The following LAMA3 variants were observed in gnomAD, a reference collection of about 807,000 sequenced individuals.
LAMA3 encodes laminin subunit alpha 3, also known as laminin subunit alpha-3.
In LAMA3, 281 loss-of-function variants were observed where a neutral mutation model predicts 402.0. That is an observed-to-expected ratio of 0.70 (90% CI 0.63 to 0.77). LAMA3 has a LOEUF of 0.77. LAMA3 is among the 30% of genes least tolerant of loss of function. The probability of loss-of-function intolerance (pLI) is 0.00; values close to 1 mark genes in which losing one functional copy is unlikely to be tolerated. For synonymous variants in LAMA3, 1,431 were observed against 1,558.4 expected (o/e 0.92, Z 1.93); for missense variants, 3,840 against 4,215.5 (o/e 0.91, Z 2.47).
chr18:23,846,875 G>C (rs1400230930), intron 31 of LAMA3, among the ~76,000 whole-genome samples: 2 of 152,030 alleles, frequency 1.3e-5, no homozygotes, highest in Admixed American at 6.6e-5. Context: ...CCATTTTTTT[G>C]GCCCAACCCA....
rs565570613 is a variant in LAMA3 at position 23,871,354 on chromosome 18, C to G, written c.4768-77C>G. ...TTAAGTGTCTTGTTTTTGATTCATTCGGGGTGTCTGCCTCTAAGGAACCCC... is the reference window on the plus strand; with the variant it reads ...TTAAGTGTCTTGTTTTTGATTCATTGGGGGTGTCTGCCTCTAAGGAACCCC... On this transcript the variant is annotated intron_variant, in intron 37 of 74. Coordinates refer to ENST00000313654, the MANE Select transcript of LAMA3 (RefSeq NM_198129.4). The G allele has an allele frequency of 3.0e-5, 34 of 1,115,170 alleles. No homozygotes were observed. In the African/African-American group the frequency reaches 3.8e-4, roughly 12 times the overall value. 69.1% of individuals were successfully genotyped at this position (1,115,170 alleles called of 1,614,324 possible). A position where few individuals can be genotyped will look rare whatever the true frequency, so the allele number is the denominator to read the frequency against.
At chr18:23,881,874 A>T in intron 39 of LAMA3, 62 bp from the exon 40 acceptor site, 2 of 1,065,492 alleles carry the variant, frequency 1.9e-6, no homozygotes, top group Non-Finnish European at 2.9e-6. Context: ...GTAAGATTAC[A>T]ATAATCTCAG....
At chr18:23,717,598 G>A (rs191098657) in intron 2 of LAMA3, among the ~76,000 whole-genome samples, 75 of 116,198 alleles carry the variant, frequency 6.5e-4, no homozygotes, top group Non-Finnish European at 6.6e-4. Flanking sequence ...TGTCACCCAA[G>A]CTGGAGTGCA....
rs533599045 is a variant in LAMA3 at position 23,869,025 on chromosome 18, CAAA to C, written c.4767+1113_4767+1115del. Among the ~76,000 whole-genome samples, 243 of 151,936 alleles carry C rather than the reference CAAA, an allele frequency of 1.6e-3. 2 individuals are homozygous for C. Among genetic ancestry groups the C allele is most frequent in the Middle Eastern group, 0.01 (3 of 294 alleles). ...AAATATTGATACTTGCTATAAGACA[CAAA>C]AAAAGTATCATATTGTATGATTCTA... On this transcript the variant is annotated intron_variant, in intron 37 of 74. Coordinates refer to ENST00000313654, the MANE Select transcript of LAMA3 (RefSeq NM_198129.4).
intron 1 of LAMA3, among the ~76,000 whole-genome samples, chr18:23,690,626 G>A (rs1252435048): frequency 6.6e-6 from 1 of 152,100 alleles, no homozygotes; most frequent in Non-Finnish European, 1.5e-5. Flanking sequence ...ATCTTGCAGT[G>A]CCTGGCCCTT....
At chr18:23,762,892 T>A (rs1306517781) in intron 7 of LAMA3, among the ~76,000 whole-genome samples, 1 of 151,408 alleles carries the variant, frequency 6.6e-6, no homozygotes, top group Non-Finnish European at 1.5e-5. Flanking sequence ...AGTCTCGCTC[T>A]GTCACCCAGG....
rs377557070 is a variant in LAMA3, at chr18:23,706,753, T to C, written c.295-7167T>C. Among the ~76,000 whole-genome samples, 8 of 152,314 alleles carry C rather than the reference T, an allele frequency of 5.3e-5. No homozygotes were observed. The East Asian group carries it at 7.7e-4, about 15-fold the overall frequency. ...TGATCAGTTATTGATTCTTGTGTAA[T>C]AAACTACCCCCAAAACTTAGGGGCT... On this transcript the variant is annotated intron_variant, in intron 1 of 74. Coordinates refer to ENST00000313654, the MANE Select transcript of LAMA3 (RefSeq NM_198129.4).
intron 62 of LAMA3, 121 bp from the exon 63 acceptor site, chr18:23,928,002 A>T (rs1243173816): frequency 1.8e-5 from 14 of 784,656 alleles, no homozygotes; most frequent in Non-Finnish European, 3.3e-5. Context: ...ATGGGAAAGG[A>T]TAAACATAAA....
At chr18:23,937,357 C>G (rs534696017) in intron 67 of LAMA3, among the ~76,000 whole-genome samples, 1 of 117,160 alleles carries the variant, frequency 8.5e-6, no homozygotes, top group South Asian at 3.0e-4. Flanking sequence ...CAGAGTGAGA[C>G]TCCTTCTCAA....
At chr18:23,826,844 A>T (rs371157479) in intron 22 of LAMA3, 45 bp downstream of exon 22, 618 of 1,163,360 alleles carry the variant, frequency 5.3e-4, no homozygotes, top group Non-Finnish European at 7.3e-4. Context: ...GGGGTCCTCT[A>T]AATTAGGAGC....
chr18:23,858,896 C>G, intron 34 of LAMA3, 67 bp downstream of exon 34: 1 of 1,470,154 alleles, frequency 6.8e-7, no homozygotes, highest in Non-Finnish European at 9.5e-7. Context: ...AAGCATATCC[C>G]TCGCTGCTCC....
chr18:23,952,653 A>G (rs1452109125), intron 73 of LAMA3, among the ~76,000 whole-genome samples: 1 of 152,218 alleles, frequency 6.6e-6, no homozygotes, highest in Admixed American at 6.5e-5. Flanking sequence ...TGAAATCAGC[A>G]TGGCCTCTGG....
chr18:23,735,149 C>T (rs2061452710), intron 2 of LAMA3, among the ~76,000 whole-genome samples: 1 of 152,224 alleles, frequency 6.6e-6, no homozygotes, highest in South Asian at 2.1e-4. Context: ...CATGTGCCCA[C>T]TGGCAATTGC....
intron 67 of LAMA3, among the ~76,000 whole-genome samples, chr18:23,938,294 A>G (rs1446801860): frequency 6.6e-6 from 1 of 152,088 alleles, no homozygotes; most frequent in East Asian, 1.9e-4. Flanking sequence ...GCTTTGACTG[A>G]TGGAGATCCC....
rs2063279398 is a variant in LAMA3, at chr18:23,821,212, A to G, written c.2305-1040A>G. 2.0e-5 allele frequency among the ~76,000 whole-genome samples: 3 copies of G among 152,216 alleles called. No homozygotes were observed. The South Asian group carries it at 6.2e-4, about 31-fold the overall frequency. ...AAGTTATTTTGGTCAGAGGACCTTG[A>G]TGGTGTCCCCAGCATCACCACTTAC... On this transcript the variant is annotated intron_variant, in intron 19 of 74. Coordinates refer to ENST00000313654, the MANE Select transcript of LAMA3 (RefSeq NM_198129.4).
intron 1 of LAMA3, among the ~76,000 whole-genome samples, chr18:23,701,939 G>A (rs2060797776): frequency 6.6e-6 from 1 of 152,182 alleles, no homozygotes; most frequent in Non-Finnish European, 1.5e-5. Flanking sequence ...TGGGGGAAAA[G>A]TGCGAGGTTG....
intron 18 of LAMA3, among the ~76,000 whole-genome samples, chr18:23,817,518 C>A (rs1390383599): frequency 6.6e-6 from 1 of 152,070 alleles, no homozygotes; most frequent in Non-Finnish European, 1.5e-5. Context: ...TTAAGACCAG[C>A]CTGAGCAACA....
intron 32 of LAMA3, among the ~76,000 whole-genome samples, chr18:23,853,027 G>A (rs555191455): frequency 6.6e-6 from 1 of 152,198 alleles, no homozygotes; most frequent in African/African-American, 2.4e-5. Context: ...CAAGTTGACT[G>A]CTTAGCCAGC....
At position 23,826,779 on chromosome 18, in the gene LAMA3, C is replaced by T. The variant is rs376244850; in HGVS notation, c.2649C>T (p.Tyr883=). 2.4e-5 allele frequency: 38 copies of T among 1,562,894 alleles called. No individual in the cohort carries two copies. Among genetic ancestry groups the T allele is most frequent in the Middle Eastern group, 3.3e-4 (2 of 6,016 alleles). Residue 883 remains tyrosine (Y), a synonymous_variant, in exon 22 of 75, where the codon TAC becomes TAT. Transcript: ENST00000313654. ...TGCCAGTCACAGAACCATGTGCCTA[C>T]GCAGGACCTCCCCAAGAAAAGTCAG... ...LQLPVTEPCA[Y]AGPPQENCLL...
Sources: allele counts gnomAD v4.1 joint callset (sites outside exome capture counted in the v4.1 genomes callset), GRCh38; gene constraint gnomAD v4.1.1; transcripts MANE v1.5; gene names NCBI Gene and HGNC (gene_info 2026-07-23, HGNC 2026-07-21).